Variants in RDX observed in about 807,000 individuals in gnomAD.
RDX encodes the protein deafness, autosomal recessive 24.
A neutral mutation model predicts 83.7 loss-of-function variants in RDX; 32 were observed. The observed-to-expected ratio is 0.38, with a 90% CI of 0.29 to 0.51. RDX has a LOEUF of 0.51. RDX is among the 20% of genes least tolerant of loss of function. The pLI, the probability that RDX is intolerant of heterozygous loss-of-function variation, is 0.87. For missense variants in RDX, 600 were observed against 689.9 expected (o/e 0.87, Z 1.46); for synonymous variants, 229 against 222.7 (o/e 1.03, Z -0.25).
intron 3 of RDX, among the ~76,000 whole-genome samples, chr11:110,269,619 T>G (rs1860212717): frequency 6.6e-6 from 1 of 152,196 alleles, no homozygotes; most frequent in African/African-American, 2.4e-5. Context: ...AGTCTGCATT[T>G]TTCGATCCTT....
At chr11:110,186,021 T>C (rs1862980551) in intron 15 of RDX, among the ~76,000 whole-genome samples, 2 of 152,182 alleles carry the variant, frequency 1.3e-5, no homozygotes, top group Non-Finnish European at 1.5e-5. Context: ...CCAATGCATT[T>C]CCTAAGTATT....
intron 14 of RDX, among the ~76,000 whole-genome samples, chr11:110,216,919 T>C (rs1226300662): frequency 6.6e-6 from 1 of 152,228 alleles, no homozygotes; most frequent in Non-Finnish European, 1.5e-5. Flanking sequence ...TTCTAGCTTA[T>C]CTTGGAAGAT....
intron 2 of RDX, among the ~76,000 whole-genome samples, chr11:110,278,822 C>A (rs1321590774): frequency 6.8e-6 from 1 of 146,320 alleles, no homozygotes; most frequent in Non-Finnish European, 1.5e-5. Flanking sequence ...TAACTAATGA[C>A]TTTCTTTAAA....
At chr11:110,278,277 C>T (rs1332285394) in intron 2 of RDX, among the ~76,000 whole-genome samples, 1 of 151,712 alleles carries the variant, frequency 6.6e-6, no homozygotes, top group Non-Finnish European at 1.5e-5. Flanking sequence ...TTGGCATATC[C>T]ATATATTAAT....
At chr11:110,258,354 T>C (rs757588868) in intron 5 of RDX, 165 bp from the exon 6 acceptor site, 6 of 599,872 alleles carry the variant, frequency 1.0e-5, no homozygotes, top group Non-Finnish European at 1.7e-5. Flanking sequence ...CAGAAATGAG[T>C]GCAGGTAAAA....
At chr11:110,285,006 T>G (rs961810654) in intron 1 of RDX, among the ~76,000 whole-genome samples, 1 of 152,228 alleles carries the variant, frequency 6.6e-6, no homozygotes, top group Non-Finnish European at 1.5e-5. Context: ...AATTCTACCT[T>G]AAATTTTTCA....
At chr11:110,259,920 G>A (rs573907017) in intron 5 of RDX, among the ~76,000 whole-genome samples, 2 of 150,226 alleles carry the variant, frequency 1.3e-5, no homozygotes, top group Non-Finnish European at 3.0e-5. Flanking sequence ...TTCCATACCT[G>A]ACATCCACTG....
chr11:110,200,445 C>T (rs991792704), intron 14 of RDX: 35 of 152,198 alleles, frequency 2.3e-4, no homozygotes, highest in African/African-American at 7.5e-4. Flanking sequence ...ACTGGCCAAA[C>T]GTATCCATGA....
chr11:110,195,199 C>G lies in RDX; in HGVS notation c.*31+4382G>C, dbSNP rs1023297390. On this transcript the variant is annotated intron_variant, in intron 15 of 15. Transcript: ENST00000528498. ...CAGGATGGTCTCGCTCTCTTGACCT[C>G]GTGACCCATCCACCTCAGCCTCCCA... 4.0e-5 allele frequency among the ~76,000 whole-genome samples: 6 copies of G among 151,888 alleles called. No homozygotes were observed. The East Asian group carries it at 1.2e-3, about 29-fold the overall frequency.
chr11:110,187,851 C>G (rs76430847), intron 15 of RDX, among the ~76,000 whole-genome samples: 1 of 152,206 alleles, frequency 6.6e-6, no homozygotes, highest in Admixed American at 6.5e-5. Context: ...GAGCTTCTTC[C>G]GGTAACAAGG....
intron 15 of RDX, among the ~76,000 whole-genome samples, chr11:110,183,352 C>T (rs544933247): frequency 9.2e-5 from 14 of 152,258 alleles, no homozygotes; most frequent in African/African-American, 3.4e-4. Context: ...AAAGTTCTTG[C>T]GTTCTTGCTC....
At chr11:110,237,421 T>C in intron 11 of RDX, 71 bp downstream of exon 11, 2 of 1,472,150 alleles carry the variant, frequency 1.4e-6, no homozygotes, top group Non-Finnish European at 1.8e-6. Context: ...TTGCTTTTCT[T>C]TTTTTCTTTT....
chr11:110,269,804 G>A (rs1007409179), intron 3 of RDX, among the ~76,000 whole-genome samples: 13 of 152,138 alleles, frequency 8.5e-5, no homozygotes, highest in South Asian at 2.1e-4. Context: ...TTGGGAGGCC[G>A]AGGGAGGCGG....
At chr11:110,296,334 G>C (rs1861458382) in intron 1 of RDX, 133 bp downstream of exon 1, 1 of 151,904 alleles carries the variant, frequency 6.6e-6, no homozygotes, top group Admixed American at 6.6e-5. Flanking sequence ...CTGGGCGCGA[G>C]CGGAGGCGCG....
chr11:110,257,763 T>A lies in RDX; in HGVS notation c.698+4A>T. The A allele has an allele frequency of 6.2e-7, 1 of 1,611,586 alleles. No individual in the cohort carries two copies. The highest frequency in any genetic ancestry group is 8.5e-7 in the Non-Finnish European group (1 of 1,179,554). ...CTAGTTCACTATGCAACTAATTTAC[T>A]TACTTGTCGTCATGCTCATAAATAT... On this transcript the variant is annotated splice_donor_region_variant and intron_variant, in intron 7 of 13. Transcript: ENST00000645495.
intron 15 of RDX, among the ~76,000 whole-genome samples, chr11:110,197,703 CATGA>C (rs1863251591): frequency 6.6e-6 from 1 of 152,142 alleles, no homozygotes; most frequent in Non-Finnish European, 1.5e-5. Context: ...GAAAGAGTTA[CATGA>C]ATGAATTTCT....
intron 15 of RDX, among the ~76,000 whole-genome samples, chr11:110,176,536 T>A (rs1862777691): frequency 6.6e-6 from 1 of 152,146 alleles, no homozygotes; most frequent in Non-Finnish European, 1.5e-5. Flanking sequence ...CATCACCCTG[T>A]CAGCAGTGAC....
intron 14 of RDX, among the ~76,000 whole-genome samples, chr11:110,217,917 A>T (rs1864114186): frequency 6.7e-6 from 1 of 150,366 alleles, no homozygotes; most frequent in Admixed American, 6.6e-5. Flanking sequence ...AGATGTTTTA[A>T]ATTATTTATG....
At chr11:110,272,847 T>C (rs961012172) in intron 2 of RDX, 15 of 541,630 alleles carry the variant, frequency 2.8e-5, no homozygotes, top group Admixed American at 1.3e-4. Flanking sequence ...ATTTAGCCCT[T>C]GCTATAATAC....
Sources: allele counts gnomAD v4.1 joint callset (sites outside exome capture counted in the v4.1 genomes callset), GRCh38; gene constraint gnomAD v4.1.1; transcripts MANE v1.5; gene names NCBI Gene and HGNC (gene_info 2026-07-23, HGNC 2026-07-21).